The following REDIC1 variants were observed in gnomAD, a reference collection of about 807,000 sequenced individuals.
REDIC1 encodes the protein HEI10 Interacting Protein 1.
chr12:39,682,815 C>T, the REDIC1 span: 1 of 1,612,290 alleles, frequency 6.2e-7, no homozygotes, highest in Non-Finnish European at 8.5e-7. Flanking sequence ...AGAATTGTGA[C>T]TCTTTTGTTA....
the REDIC1 span, among the ~76,000 whole-genome samples, chr12:39,710,470 C>T: frequency 1.3e-3 from 193 of 151,804 alleles, no homozygotes; most frequent in African/African-American, 4.4e-3. Context: ...GTCTAACTGA[C>T]TTGATTTCAT....
chr12:39,672,416 G>T, the REDIC1 span, among the ~76,000 whole-genome samples: 1 of 152,102 alleles, frequency 6.6e-6, no homozygotes, highest in Non-Finnish European at 1.5e-5. Flanking sequence ...CTGCTGCTAG[G>T]GGGAGGCAGT....
chr12:39,877,103 T>G, the REDIC1 span, among the ~76,000 whole-genome samples: 2 of 152,152 alleles, frequency 1.3e-5, no homozygotes, highest in Non-Finnish European at 2.9e-5. Flanking sequence ...AATAATTATA[T>G]TTTCCTATTG....
the REDIC1 span, among the ~76,000 whole-genome samples, chr12:39,743,542 T>C: frequency 6.6e-6 from 1 of 152,274 alleles, no homozygotes; most frequent in East Asian, 1.9e-4. Flanking sequence ...AGCAGGGATG[T>C]TGGAATTATC....
chr12:39,720,945 T>A, the REDIC1 span: 2 of 1,613,640 alleles, frequency 1.2e-6, no homozygotes, highest in African/African-American at 1.3e-5. Flanking sequence ...ACAAACAGAA[T>A]GAGAATTTCT....
chr12:39,755,719 AAT>A, the REDIC1 span: 1 of 152,114 alleles, frequency 6.6e-6, no homozygotes, highest in Non-Finnish European at 1.5e-5. Context: ...CTAAAATAAA[AAT>A]GTGAATATTA....
chr12:39,712,029 CATGTATATATACCTACCTGT>C, the REDIC1 span, among the ~76,000 whole-genome samples: 1 of 113,290 alleles, frequency 8.8e-6, no homozygotes, highest in African/African-American at 3.5e-5. Context: ...TGTATATATA[CATGTATATATACCTACCTGT>C]ATGTATATAT....
At chr12:39,693,945 A>T in the REDIC1 span, among the ~76,000 whole-genome samples, 1 of 152,208 alleles carries the variant, frequency 6.6e-6, no homozygotes, top group Non-Finnish European at 1.5e-5. Context: ...TTTATTCCAC[A>T]GCCTCACCAA....
chr12:39,713,811 A>T, the REDIC1 span, among the ~76,000 whole-genome samples: 1 of 148,620 alleles, frequency 6.7e-6, no homozygotes, highest in Admixed American at 6.8e-5. Context: ...ATGCATGTGT[A>T]TATATACGTG....
At chr12:39,671,992 T>C in the REDIC1 span, among the ~76,000 whole-genome samples, 2 of 152,084 alleles carry the variant, frequency 1.3e-5, no homozygotes, top group Admixed American at 1.3e-4. Context: ...GAGGCAGGCC[T>C]CTTCTTAAGT....
chr12:39,803,217 A>AC, the REDIC1 span, among the ~76,000 whole-genome samples: 3 of 151,850 alleles, frequency 2.0e-5, no homozygotes, highest in African/African-American at 7.3e-5. Context: ...AAAAAAAAAA[A>AC]AAAAACTTTC....
At chr12:39,886,654 T>C in the REDIC1 span, among the ~76,000 whole-genome samples, 110,913 of 152,058 alleles carry the variant, frequency 0.73, 40,622 homozygotes, top group African/African-American at 0.78. Flanking sequence ...TCTCTACTTT[T>C]CTTTAAGTGT....
chr12:39,713,228 A>G, the REDIC1 span, among the ~76,000 whole-genome samples: 2 of 139,550 alleles, frequency 1.4e-5, no homozygotes, highest in African/African-American at 5.7e-5. Context: ...TATTACACAT[A>G]TACGTGTATA....
chr12:39,794,624 G>T, the REDIC1 span, among the ~76,000 whole-genome samples: 3 of 152,134 alleles, frequency 2.0e-5, no homozygotes, highest in Non-Finnish European at 4.4e-5. Context: ...AACCAATCCA[G>T]CTGTTTTTGT....
the REDIC1 span, among the ~76,000 whole-genome samples, chr12:39,778,483 CAT>C: frequency 2.6e-5 from 4 of 152,078 alleles, no homozygotes; most frequent in Admixed American, 6.6e-5. Context: ...GGAACAGACT[CAT>C]GTGAGGGCCA....
At chr12:39,646,841 G>A in the REDIC1 span, 1 of 1,576,372 alleles carries the variant, frequency 6.3e-7, no homozygotes, top group Non-Finnish European at 8.6e-7. Flanking sequence ...TTTCATTAGT[G>A]TAAACTGTCA....
chr12:39,762,015 T>G, the REDIC1 span, among the ~76,000 whole-genome samples: 1 of 152,114 alleles, frequency 6.6e-6, no homozygotes, highest in Non-Finnish European at 1.5e-5. Context: ...GATTCTTTCT[T>G]GTGACCTGGA....
chr12:39,661,415 C>G, the REDIC1 span, among the ~76,000 whole-genome samples: 1 of 151,924 alleles, frequency 6.6e-6, no homozygotes, highest in Non-Finnish European at 1.5e-5. Context: ...TGACGTTGAG[C>G]ATTTTTTTTT....
chr12:39,676,145 T>C, the REDIC1 span, among the ~76,000 whole-genome samples: 4 of 151,228 alleles, frequency 2.6e-5, no homozygotes, highest in African/African-American at 9.7e-5. Flanking sequence ...TTGATTAATA[T>C]ACTACTCAAG....
Sources: allele counts gnomAD v4.1 joint callset (sites outside exome capture counted in the v4.1 genomes callset), GRCh38; gene constraint gnomAD v4.1.1; transcripts MANE v1.5; gene names NCBI Gene and HGNC (gene_info 2026-07-23, HGNC 2026-07-21).